Variants in ZMYM4 observed in about 807,000 individuals in gnomAD.
ZMYM4 encodes the protein zinc finger MYM-type protein 4.
A neutral mutation model predicts 183.2 loss-of-function variants in ZMYM4; 31 were observed. The observed-to-expected ratio is 0.17, with a 90% CI of 0.13 to 0.23. The LOEUF (loss-of-function observed/expected upper bound fraction) is 0.23. Ranked by LOEUF, ZMYM4 falls within the 10% of genes least tolerant of loss-of-function variation. The pLI is 1.00. For missense variants in ZMYM4, 1,273 were observed against 1,840.3 expected, an observed-to-expected ratio of 0.69 and a Z score of 5.64; for synonymous variants, 592 against 631.2, an observed-to-expected ratio of 0.94 and a Z score of 0.93.
At chr1:35,362,691 C>A (rs1432025556) in intron 5 of ZMYM4, among the ~76,000 whole-genome samples, 2 of 151,658 alleles carry the variant, frequency 1.3e-5, no homozygotes, top group Non-Finnish European at 2.9e-5. Flanking sequence ...TTTTTCTTTT[C>A]TTTCTTTTTG....
chr1:35,326,839 T>G (rs2148823848), intron 2 of ZMYM4, among the ~76,000 whole-genome samples: 1 of 152,298 alleles, frequency 6.6e-6, no homozygotes, highest in Middle Eastern at 3.4e-3. Context: ...ACATAAATAA[T>G]AGCCCTGGCT....
chr1:35,308,217 C>T (rs925475428), intron 1 of ZMYM4, among the ~76,000 whole-genome samples: 25 of 152,000 alleles, frequency 1.6e-4, no homozygotes, highest in African/African-American at 6.0e-4. Context: ...GTCTTGTACT[C>T]CTGACCTCAA....
chr1:35,293,738 G>A (rs1000269732), intron 1 of ZMYM4, among the ~76,000 whole-genome samples: 9 of 152,104 alleles, frequency 5.9e-5, no homozygotes, highest in African/African-American at 2.2e-4. Flanking sequence ...GTAATTTCTC[G>A]AAGCCAAGGA....
intron 5 of ZMYM4, among the ~76,000 whole-genome samples, chr1:35,369,495 C>T (rs1348135644): frequency 6.6e-6 from 1 of 151,930 alleles, no homozygotes; most frequent in Admixed American, 6.6e-5. Context: ...TACTAATATA[C>T]AAACGTTCAA....
At chr1:35,341,318 C>T (rs945117266) in intron 2 of ZMYM4, among the ~76,000 whole-genome samples, 1 of 152,004 alleles carries the variant, frequency 6.6e-6, no homozygotes, top group African/African-American at 2.4e-5. Flanking sequence ...GATACATGTA[C>T]ATATATTACT....
intron 26 of ZMYM4, among the ~76,000 whole-genome samples, chr1:35,409,493 T>C (rs1639781606): frequency 6.6e-6 from 1 of 152,082 alleles, no homozygotes; most frequent in African/African-American, 2.4e-5. Context: ...TGAAATGATA[T>C]CTCATTGTGT....
chr1:35,289,286 G>C (rs1021249893), intron 1 of ZMYM4, among the ~76,000 whole-genome samples: 1 of 152,192 alleles, frequency 6.6e-6, no homozygotes, highest in Non-Finnish European at 1.5e-5. Context: ...GGTCAGTTAG[G>C]AAGCTATTGG....
intron 1 of ZMYM4, among the ~76,000 whole-genome samples, chr1:35,284,220 C>T (rs1478554783): frequency 3.9e-5 from 6 of 152,024 alleles, no homozygotes; most frequent in African/African-American, 1.5e-4. Flanking sequence ...TCATGATCCA[C>T]CTGCCTCGGC....
intron 7 of ZMYM4, 87 bp from the exon 8 acceptor site, chr1:35,381,172 C>A: frequency 8.8e-7 from 1 of 1,132,072 alleles, no homozygotes; most frequent in Non-Finnish European, 1.2e-6. Flanking sequence ...GTATAATTGC[C>A]TCTGTTTTAT....
chr1:35,380,184 C>G (rs1644422151), intron 7 of ZMYM4, among the ~76,000 whole-genome samples: 1 of 152,108 alleles, frequency 6.6e-6, no homozygotes, highest in Non-Finnish European at 1.5e-5. Context: ...CTAGTGTAAT[C>G]TCTTTAAGAT....
intron 1 of ZMYM4, among the ~76,000 whole-genome samples, chr1:35,315,914 A>G (rs971888797): frequency 5.3e-5 from 8 of 152,166 alleles, no homozygotes; most frequent in African/African-American, 1.9e-4. Context: ...TGACAGAGTG[A>G]GTCCCTGTCT....
chr1:35,364,230 G>A lies in ZMYM4; in HGVS notation c.840+2441G>A, dbSNP rs150234625. ...CTGATTGATTGGACTTGAGAATTAAGCAGTAATGTGAGTAGGTCCTGGGCA... is the reference window on the plus strand; with the variant it reads ...CTGATTGATTGGACTTGAGAATTAAACAGTAATGTGAGTAGGTCCTGGGCA... On this transcript the variant is annotated intron_variant, in intron 5 of 29. Transcript: ENST00000314607. Among the ~76,000 whole-genome samples, 21 of 152,308 alleles carry A rather than the reference G, an allele frequency of 1.4e-4. No individual in the cohort carries two copies. The East Asian group carries it at 4.1e-3, about 29-fold the overall frequency.
At chr1:35,365,333 A>T (rs1448274792) in intron 5 of ZMYM4, among the ~76,000 whole-genome samples, 1 of 150,854 alleles carries the variant, frequency 6.6e-6, no homozygotes, top group East Asian at 1.9e-4. Context: ...TTCAAAATAG[A>T]TACTTTAAAG....
intron 18 of ZMYM4, among the ~76,000 whole-genome samples, chr1:35,395,979 C>G (rs1279772249): frequency 6.6e-6 from 1 of 152,138 alleles, no homozygotes; most frequent in African/African-American, 2.4e-5. Flanking sequence ...CTTAGAACAT[C>G]TGCTATATAT....
At chr1:35,396,770 T>A in intron 19 of ZMYM4, 100 bp downstream of exon 19, 1 of 1,331,106 alleles carries the variant, frequency 7.5e-7, no homozygotes, top group Non-Finnish European at 1.0e-6. Flanking sequence ...TAGTAAAATA[T>A]ACCTGCTTCT....
chr1:35,387,039 G>C lies in ZMYM4; in HGVS notation c.1873G>C (p.Val625Leu). The change falls in exon 12 of 30, where the codon GTA (valine) becomes CTA (leucine). Residue 625 changes from valine (V) to leucine (L), a missense_variant. Physicochemically the swap from Val to Leu is conservative, Grantham distance 32. Transcript: ENST00000314607. ...CAAACCAACTGGAATGAATTCTTCA[G>C]TAGTGCCCTTGTCTCAGGGCCAAGT... ...FNKPTGMNSS[V>L]VPLSQGQVIV... The C allele has an allele frequency of 1.2e-6, 2 of 1,614,152 alleles. No individual in the cohort carries two copies. Among genetic ancestry groups the C allele is most frequent in the Non-Finnish European group, 1.7e-6 (2 of 1,180,018 alleles).
chr1:35,362,157 G>A (rs1643952470), intron 5 of ZMYM4, among the ~76,000 whole-genome samples: 1 of 152,208 alleles, frequency 6.6e-6, no homozygotes, highest in Non-Finnish European at 1.5e-5. Flanking sequence ...TGCTAATGAA[G>A]TACAGGCTAT....
chr1:35,378,871 C>A (rs922554039), intron 7 of ZMYM4, among the ~76,000 whole-genome samples: 1 of 152,208 alleles, frequency 6.6e-6, no homozygotes, highest in Non-Finnish European at 1.5e-5. Flanking sequence ...TGCTGCTTCA[C>A]CTTGTACTTT....
intron 5 of ZMYM4, among the ~76,000 whole-genome samples, chr1:35,367,286 A>G (rs1040288316): frequency 1.3e-5 from 2 of 151,516 alleles, no homozygotes; most frequent in African/African-American, 4.9e-5. Flanking sequence ...ATGGTGCAAT[A>G]TTGGCTCGCT....
Sources: gnomAD v4.1 joint callset for allele counts (sites outside exome capture counted in the v4.1 genomes callset) on GRCh38, gnomAD v4.1.1 for gene constraint, MANE v1.5 for transcripts, NCBI Gene and HGNC (gene_info 2026-07-23, HGNC 2026-07-21) for gene names.